Variants in NFAT5 observed in about 807,000 individuals in gnomAD.
NFAT5 encodes the protein nuclear factor of activated T cells 5.
In NFAT5, 31 loss-of-function variants were observed where a neutral mutation model predicts 166.5. That is an observed-to-expected ratio of 0.19 (90% CI 0.14 to 0.25). The LOEUF (loss-of-function observed/expected upper bound fraction) is 0.25, where lower values mean the gene tolerates loss of function less well. NFAT5 is among the 10% of genes least tolerant of loss of function. NFAT5 has a pLI of 1.00. For missense variants in NFAT5, 1,449 were observed against 1,821.8 expected (o/e 0.80, Z 3.72); for synonymous variants, 612 against 639.7 (o/e 0.96, Z 0.65).
chr16:69,612,405 A>G (rs960848331), intron 2 of NFAT5, among the ~76,000 whole-genome samples: 1 of 145,816 alleles, frequency 6.9e-6, no homozygotes, highest in Admixed American at 7.2e-5. Flanking sequence ...GTTTATGTAT[A>G]TTATTCAACT....
intron 2 of NFAT5, among the ~76,000 whole-genome samples, chr16:69,586,990 A>G (rs919108839): frequency 6.6e-5 from 10 of 152,254 alleles, no homozygotes; most frequent in Non-Finnish European, 2.9e-5. Flanking sequence ...TAACTGCTAT[A>G]TTAAATCTAG....
In NFAT5 at chr16:69,692,766, G is replaced by A. The variant is rs1294965128; in HGVS notation, c.2941G>A (p.Gly981Arg). ...ELFSSPPAVS[G>R]NETSTTTTQQ... ...GTTTTCTTCTCCTCCTGCAGTTTCT[G>A]GAAATGAAACTTCTACAACTACCAC... is the stretch of plus-strand genomic sequence containing the variant. The change falls in exon 13 of 15, where the codon GGA becomes AGA. Residue 981 changes from glycine to arginine, a missense_variant. This residue lies in a region of NFAT5 where 891 missense variants were observed against 993.0 expected (regional missense o/e 0.90). Transcript: ENST00000349945. 1 of 1,614,078 alleles carries A rather than the reference G, an allele frequency of 6.2e-7. No individual in the cohort carries two copies. Among genetic ancestry groups the A allele is most frequent in the Non-Finnish European group, 8.5e-7 (1 of 1,180,050 alleles).
intron 7 of NFAT5, among the ~76,000 whole-genome samples, chr16:69,666,523 C>T (rs2036388183): frequency 1.3e-5 from 2 of 152,204 alleles, no homozygotes; most frequent in African/African-American, 4.8e-5. Context: ...CATGAACAGA[C>T]ACTTCTCAAA....
chr16:69,677,440 GATGAATTGATGTTAGT>G, intron 10 of NFAT5, 105 bp downstream of exon 10: 1 of 848,692 alleles, frequency 1.2e-6, no homozygotes, highest in Non-Finnish European at 1.7e-6. Flanking sequence ...TGCTCACTAA[GATGAATTGATGTTAGT>G]TTCTTTTGGA....
chr16:69,608,917 C>T (rs949719256), intron 2 of NFAT5, among the ~76,000 whole-genome samples: 8 of 151,646 alleles, frequency 5.3e-5, no homozygotes, highest in East Asian at 1.9e-4. Flanking sequence ...GTCAGGAGAT[C>T]GAGACCATCC....
chr16:69,642,348 A>T (rs778870903), intron 3 of NFAT5, among the ~76,000 whole-genome samples: 1 of 152,180 alleles, frequency 6.6e-6, no homozygotes, highest in Non-Finnish European at 1.5e-5. Context: ...TGGCAAACAG[A>T]CTTAAATACA....
intron 2 of NFAT5, among the ~76,000 whole-genome samples, chr16:69,574,845 T>C (rs1425154663): frequency 1.3e-5 from 2 of 151,546 alleles, no homozygotes; most frequent in Non-Finnish European, 2.9e-5. Context: ...ATTTTTTGTA[T>C]TTTTTTAGTA....
At chr16:69,651,696 GT>G (rs367889357) in intron 4 of NFAT5, among the ~76,000 whole-genome samples, 6,715 of 148,240 alleles carry the variant, frequency 0.045, 526 homozygotes, top group African/African-American at 0.16. Flanking sequence ...TTGAGACGGA[GT>G]TTTGCTCTTG....
chr16:69,641,146 C>T (rs1241794626), intron 3 of NFAT5, among the ~76,000 whole-genome samples: 1 of 147,684 alleles, frequency 6.8e-6, no homozygotes, highest in Non-Finnish European at 1.5e-5. Context: ...GGTGTGGTGG[C>T]GGGCACCTGT....
intron 10 of NFAT5, among the ~76,000 whole-genome samples, chr16:69,677,621 T>A (rs1358178436): frequency 6.6e-6 from 1 of 152,188 alleles, no homozygotes; most frequent in Non-Finnish European, 1.5e-5. Flanking sequence ...CCATAAGAAT[T>A]TCCATGCATT....
chr16:69,626,393 C>T lies in NFAT5; in HGVS notation c.128-10C>T, dbSNP rs780651441. The T allele has an allele frequency of 1.9e-6, 3 of 1,554,296 alleles. No individual in the cohort carries two copies. The highest frequency in any genetic ancestry group is 4.8e-5 in the East Asian group (2 of 41,898). ...AAAATTGTTTTCTCCTCTCTTTCCC[C>T]TCCCCACAGAATCTGTCTATGATCT... is the stretch of plus-strand genomic sequence containing the variant. On this transcript the variant is annotated splice_polypyrimidine_tract_variant and intron_variant, in intron 2 of 14. Coordinates refer to ENST00000349945, the MANE Select transcript of NFAT5 (RefSeq NM_138713.4).
At chr16:69,614,345 A>G (rs1420320484) in intron 2 of NFAT5, among the ~76,000 whole-genome samples, 1 of 152,134 alleles carries the variant, frequency 6.6e-6, no homozygotes, top group Non-Finnish European at 1.5e-5. Flanking sequence ...ATTGCCAGAT[A>G]CCTAAAAATG....
intron 7 of NFAT5, among the ~76,000 whole-genome samples, chr16:69,661,555 A>AG (rs2036143817): frequency 6.7e-6 from 1 of 149,234 alleles, no homozygotes; most frequent in African/African-American, 2.5e-5. Context: ...AAAAAAAAAA[A>AG]AAAAAAAAAA....
chr16:69,633,160 A>G (rs1216809126), intron 3 of NFAT5, among the ~76,000 whole-genome samples: 1 of 152,142 alleles, frequency 6.6e-6, no homozygotes, highest in Non-Finnish European at 1.5e-5. Flanking sequence ...TTCCTTTAAT[A>G]TTTCTCTTTT....
chr16:69,693,553 A>G lies in NFAT5; in HGVS notation c.3728A>G (p.Gln1243Arg), dbSNP rs2037641945. 1 of 1,614,200 alleles carries G rather than the reference A, an allele frequency of 6.2e-7. No homozygotes were observed. Among genetic ancestry groups the G allele is most frequent in the Non-Finnish European group, 8.5e-7 (1 of 1,180,026 alleles). The stretch of plus-strand genomic sequence containing the variant: ...TCCCTTCCACCTAATCCAATGCCTC[A>G]AAGCCAACAAGGAACCATGTTCCAG... Reference protein sequence around the residue: ...LGSLPPNPMPQSQQGTMFQSQ... With the variant: ...LGSLPPNPMPRSQQGTMFQSQ... Residue 1243 changes from glutamine (Q) to arginine (R), a missense_variant, in exon 13 of 15, where the codon CAA becomes CGA. This residue lies in a region of NFAT5 where 891 missense variants were observed against 993.0 expected (regional missense o/e 0.90). Transcript: ENST00000349945.
intron 6 of NFAT5, among the ~76,000 whole-genome samples, chr16:69,658,485 A>G: frequency 6.8e-6 from 1 of 146,034 alleles, no homozygotes; most frequent in Non-Finnish European, 1.5e-5. Context: ...CTCTGTCTCA[A>G]AAAAAAAAAA....
intron 10 of NFAT5, among the ~76,000 whole-genome samples, chr16:69,684,369 G>A (rs1025796064): frequency 2.6e-5 from 4 of 151,340 alleles, no homozygotes; most frequent in African/African-American, 9.7e-5. Flanking sequence ...GACCAGCCTG[G>A]CCAAGATGGT....
At chr16:69,672,061 A>G (rs1310705200) in intron 9 of NFAT5, among the ~76,000 whole-genome samples, 1 of 152,152 alleles carries the variant, frequency 6.6e-6, no homozygotes, top group Non-Finnish European at 1.5e-5. Flanking sequence ...CCTAGAGATT[A>G]CCTCCTAGCA....
chr16:69,652,386 A>C (rs1194462243), intron 4 of NFAT5, among the ~76,000 whole-genome samples: 1 of 151,032 alleles, frequency 6.6e-6, no homozygotes, highest in Non-Finnish European at 1.5e-5. Context: ...CAGGAAACAG[A>C]GGTTACAGTG....
Sources: allele counts gnomAD v4.1 joint callset (sites outside exome capture counted in the v4.1 genomes callset), GRCh38; gene constraint gnomAD v4.1.1; regional missense constraint gnomAD v4.1.1; transcripts MANE v1.5; gene names NCBI Gene and HGNC (gene_info 2026-07-23, HGNC 2026-07-21).